THSD7A: variants seen among roughly 807,000 people sequenced by gnomAD.
THSD7A encodes thrombospondin type-1 domain-containing protein 7A.
THSD7A carries 96 observed loss-of-function variants against 231.3 expected under a neutral mutation model. The ratio of observed to expected loss-of-function variants is 0.41; its 90% CI spans 0.35 to 0.49. THSD7A has a LOEUF of 0.49. THSD7A is among the 20% of genes least tolerant of loss of function. The probability of loss-of-function intolerance (pLI) is 0.05; values close to 1 mark genes in which losing one functional copy is unlikely to be tolerated. For synonymous variants in THSD7A, 940 were observed against 743.3 expected, an observed-to-expected ratio of 1.26 and a Z score of -4.30; for missense variants, 2,290 against 2,070.2, an observed-to-expected ratio of 1.11 and a Z score of -2.06.
intron 2 of THSD7A, among the ~76,000 whole-genome samples, chr7:11,624,306 T>C (rs1482160574): frequency 2.0e-5 from 3 of 152,106 alleles, no homozygotes; most frequent in African/African-American, 7.2e-5. Flanking sequence ...CATTCCTGTT[T>C]ATGAACATAA....
At chr7:11,541,668 T>G (rs915976979) in intron 5 of THSD7A, 37 bp from the exon 6 acceptor site, 2 of 1,574,796 alleles carry the variant, frequency 1.3e-6, no homozygotes, top group Non-Finnish European at 1.7e-6. Context: ...ATTGTTACTA[T>G]CAAAGGTTTA....
At chr7:11,403,630 C>T (rs916550912) in intron 22 of THSD7A, among the ~76,000 whole-genome samples, 20 of 152,304 alleles carry the variant, frequency 1.3e-4, no homozygotes, top group Middle Eastern at 3.4e-3. Context: ...CATACCTTTT[C>T]ACCAGTAGGC....
chr7:11,690,716 C>T (rs1384106325), intron 1 of THSD7A, among the ~76,000 whole-genome samples: 1 of 151,712 alleles, frequency 6.6e-6, no homozygotes. Flanking sequence ...TCTCGAATTT[C>T]CTCCTTGAGA....
intron 4 of THSD7A, among the ~76,000 whole-genome samples, chr7:11,548,033 TG>T (rs1456107064): frequency 2.6e-5 from 4 of 151,764 alleles, no homozygotes; most frequent in Admixed American, 2.6e-4. Flanking sequence ...TCCAAAACAG[TG>T]TAATAAAAAC....
chr7:11,565,918 G>T (rs1185673165), intron 4 of THSD7A, among the ~76,000 whole-genome samples: 1 of 152,138 alleles, frequency 6.6e-6, no homozygotes, highest in Non-Finnish European at 1.5e-5. Flanking sequence ...GAATTAAACT[G>T]CTGGGTTTGA....
intron 1 of THSD7A, among the ~76,000 whole-genome samples, chr7:11,656,935 A>T (rs1782731896): frequency 6.6e-6 from 1 of 151,888 alleles, no homozygotes. Context: ...GAAGAGAAAA[A>T]GATTAACTTT....
chr7:11,401,845 T>C lies in THSD7A; in HGVS notation c.4361A>G (p.Glu1454Gly), dbSNP rs1195222792. 8 of 1,613,970 alleles carry C rather than the reference T, an allele frequency of 5.0e-6. No individual in the cohort carries two copies. Among genetic ancestry groups the C allele is most frequent in the Admixed American group, 1.7e-5 (1 of 60,014 alleles). Residue 1454 changes from glutamate to glycine, a missense_variant, in exon 23 of 28, where the codon GAG becomes GGG. Physicochemically the swap from Glu to Gly is moderately conservative, Grantham distance 98 (BLOSUM62 -2). Transcript: ENST00000423059. ...RSRPVIIQEL[E>G]NQHLCPEQML... ...CTGCTCTGGGCACAGATGCTGATTC[T>C]CTAGTTCTTGTATAATCACCGGTCT...
At chr7:11,647,638 C>A (rs1292828955) in intron 1 of THSD7A, among the ~76,000 whole-genome samples, 1 of 151,992 alleles carries the variant, frequency 6.6e-6, no homozygotes, top group African/African-American at 2.4e-5. Flanking sequence ...AAATACAAGA[C>A]CAAGAAACCA....
chr7:11,446,310 T>A lies in THSD7A; in HGVS notation c.2815A>T (p.Lys939Ter). ...AAATGGGAATTTTTACATTTTTCCT[T>A]CTTTTTACTTTTTCCTGTGGAAGAG... The part of the protein sequence containing the change: ...KRTLVGKSKK[K>*]EKCKNSHLYP... The change falls in exon 13 of 28, where the codon AAG (lysine) becomes TAG (stop). Residue 939 changes from lysine (K) to a stop codon, truncating the protein, a stop_gained. Transcript: ENST00000423059. LOFTEE classifies it high-confidence loss of function. This position sits in a 1 kb window ranked among gnomAD's most constrained non-coding sequence, Gnocchi z 4.0. The A allele has an allele frequency of 6.2e-7, 1 of 1,610,572 alleles. No individual in the cohort carries two copies. The highest frequency in any genetic ancestry group is 1.7e-4 in the Middle Eastern group (1 of 6,044).
At position 11,405,724 on chromosome 7, in the gene THSD7A, A is replaced by G. The variant is rs558944733; in HGVS notation, c.4237+576T>C. Among the ~76,000 whole-genome samples, 7 of 152,324 alleles carry G rather than the reference A, an allele frequency of 4.6e-5. No individual in the cohort carries two copies. The East Asian group carries it at 9.6e-4, about 21-fold the overall frequency. Reference sequence around the variant, plus strand: ...GTGTCTAACACTGAATCTGAATAATATCTTTCAATAGTTTCCTCCATACTG... The same window carrying G: ...GTGTCTAACACTGAATCTGAATAATGTCTTTCAATAGTTTCCTCCATACTG... On this transcript the variant is annotated intron_variant, in intron 22 of 27. Transcript: ENST00000423059.
chr7:11,739,573 T>C (rs1526522), intron 1 of THSD7A, among the ~76,000 whole-genome samples: 4 of 151,482 alleles, frequency 2.6e-5, no homozygotes, highest in Non-Finnish European at 5.9e-5. Context: ...TTCTTTAAAA[T>C]TTTTTTTTAA....
At chr7:11,398,879 A>G (rs1783293179) in intron 23 of THSD7A, among the ~76,000 whole-genome samples, 1 of 152,214 alleles carries the variant, frequency 6.6e-6, no homozygotes, top group South Asian at 2.1e-4. Flanking sequence ...GTGGACTTAA[A>G]GAGTAAAAAG....
intron 2 of THSD7A, among the ~76,000 whole-genome samples, chr7:11,625,811 C>G (rs1180932773): frequency 6.6e-6 from 1 of 151,970 alleles, no homozygotes; most frequent in Non-Finnish European, 1.5e-5. Context: ...TTGTTTGAGT[C>G]AGAGCGAAAC....
At chr7:11,574,628 G>C (rs755502362) in intron 4 of THSD7A, among the ~76,000 whole-genome samples, 1 of 150,978 alleles carries the variant, frequency 6.6e-6, no homozygotes, top group African/African-American at 2.4e-5. Flanking sequence ...AGTAGAGATG[G>C]GATTTCACCA....
At position 11,648,382 on chromosome 7, in the gene THSD7A, T is replaced by C. The variant is rs150617415; in HGVS notation, c.191-11421A>G. Among the ~76,000 whole-genome samples the C allele has an allele frequency of 3.3e-3, 504 of 152,166 alleles. 4 individuals are homozygous for C. The highest frequency in any genetic ancestry group is 5.9e-3 in the Non-Finnish European group (399 of 67,978). On this transcript the variant is annotated intron_variant, in intron 1 of 27. Coordinates refer to ENST00000423059, the MANE Select transcript of THSD7A (RefSeq NM_015204.3). ...CCATGAGTCAAGGGAAGGTCCTCTCTGTAAAAGAAGTAGGTGCCATGGGAG... is the reference window on the plus strand; with the variant it reads ...CCATGAGTCAAGGGAAGGTCCTCTCCGTAAAAGAAGTAGGTGCCATGGGAG...
chr7:11,432,216 G>C (rs559373675), intron 13 of THSD7A, among the ~76,000 whole-genome samples: 4 of 151,988 alleles, frequency 2.6e-5, no homozygotes, highest in Non-Finnish European at 4.4e-5. Context: ...TTAATCATTT[G>C]TGTGTGTGAT....
At chr7:11,690,710 G>A (rs75296166) in intron 1 of THSD7A, among the ~76,000 whole-genome samples, 6 of 151,716 alleles carry the variant, frequency 4.0e-5, no homozygotes, top group East Asian at 2.0e-4. Flanking sequence ...ATACTTTCTC[G>A]AATTTCCTCC....
intron 23 of THSD7A, among the ~76,000 whole-genome samples, chr7:11,391,438 C>CT (rs1283735851): frequency 6.6e-6 from 1 of 152,070 alleles, no homozygotes; most frequent in African/African-American, 2.4e-5. Context: ...TAATGGCAGA[C>CT]GCCCCTCCCC....
chr7:11,762,723 A>C, intron 1 of THSD7A, among the ~76,000 whole-genome samples: 1 of 152,194 alleles, frequency 6.6e-6, no homozygotes, highest in Admixed American at 6.6e-5. Context: ...TTTGCTGTGC[A>C]GAAACTCTTT....
Sources: allele counts gnomAD v4.1 joint callset (sites outside exome capture counted in the v4.1 genomes callset), GRCh38; gene constraint gnomAD v4.1.1; non-coding constraint Gnocchi (gnomAD v3.1); transcripts MANE v1.5; gene names NCBI Gene and HGNC (gene_info 2026-07-23, HGNC 2026-07-21).